Variants in PCDH15 observed in about 807,000 individuals in gnomAD.
The protein encoded by PCDH15 is protocadherin-15.
PCDH15 carries 129 observed loss-of-function variants against 178.5 expected under a neutral mutation model. The observed-to-expected ratio is 0.72, with a 90% CI of 0.63 to 0.84. PCDH15 has a LOEUF of 0.84. Among genes scored for constraint, PCDH15 ranks in the 40% least tolerant of loss-of-function variants. PCDH15 has a pLI of 0.00. For synonymous variants in PCDH15, 800 were observed against 732.0 expected (o/e 1.09, Z -1.50); for missense variants, 2,230 against 2,099.9 (o/e 1.06, Z -1.21).
chr10:53,968,177 T>A (rs1185885207), intron 21 of PCDH15, among the ~76,000 whole-genome samples: 1 of 152,156 alleles, frequency 6.6e-6, no homozygotes, highest in African/African-American at 2.4e-5. Context: ...TCCAACAGTC[T>A]TAGCAAACGG....
intron 2 of PCDH15, among the ~76,000 whole-genome samples, chr10:55,582,628 A>ATTTTTTTTTTTTTT (rs1554800566): frequency 7.2e-5 from 5 of 69,038 alleles, no homozygotes; most frequent in Admixed American, 2.1e-4. Flanking sequence ...ATATATATAT[A>ATTTTTTTTTTTTTT]TTTTTTTTTT....
chr10:54,461,402 G>A (rs374481345), intron 3 of PCDH15, among the ~76,000 whole-genome samples: 1 of 151,906 alleles, frequency 6.6e-6, no homozygotes, highest in Non-Finnish European at 1.5e-5. Context: ...TGTGGTTCTC[G>A]GTTCTTAGCA....
intron 23 of PCDH15, among the ~76,000 whole-genome samples, chr10:53,958,190 C>T (rs1321956452): frequency 6.6e-6 from 1 of 152,158 alleles, no homozygotes; most frequent in Admixed American, 6.5e-5. Context: ...TTCTCCATTA[C>T]CTGAAATATT....
At chr10:54,204,731 A>C (rs1212942383) in intron 10 of PCDH15, among the ~76,000 whole-genome samples, 1 of 152,124 alleles carries the variant, frequency 6.6e-6, no homozygotes, top group Non-Finnish European at 1.5e-5. Flanking sequence ...CTGCCCTAGG[A>C]AGTGACATGG....
chr10:54,871,933 G>A (rs956419429), intron 3 of PCDH15, among the ~76,000 whole-genome samples: 4 of 152,018 alleles, frequency 2.6e-5, no homozygotes, highest in African/African-American at 9.7e-5. Context: ...AAAAGGATGA[G>A]ATGATAATTT....
chr10:53,821,645 T>C (rs2132476348), intron 32 of PCDH15: 3 of 1,330,536 alleles, frequency 2.3e-6, no homozygotes, highest in Non-Finnish European at 2.9e-6. Context: ...ATTATGCTAC[T>C]TTGTAGTTTT....
intron 18 of PCDH15, among the ~76,000 whole-genome samples, chr10:54,023,745 G>A (rs1206983863): frequency 6.6e-6 from 1 of 150,982 alleles, no homozygotes; most frequent in African/African-American, 2.4e-5. Flanking sequence ...ATATTTATAA[G>A]TATAACCTGA....
At chr10:53,964,694 T>C (rs1358776041) in intron 21 of PCDH15, among the ~76,000 whole-genome samples, 1 of 152,102 alleles carries the variant, frequency 6.6e-6, no homozygotes, top group Non-Finnish European at 1.5e-5. Flanking sequence ...TATTTTTATA[T>C]AAACCACTGA....
intron 2 of PCDH15, among the ~76,000 whole-genome samples, chr10:55,102,788 T>C (rs938007327): frequency 6.6e-6 from 1 of 152,120 alleles, no homozygotes; most frequent in South Asian, 2.1e-4. Flanking sequence ...ATGTGTAACA[T>C]AAACATTTGA....
At position 54,214,040 on chromosome 10, in the gene PCDH15, C is replaced by T; in HGVS notation, c.994G>A (p.Glu332Lys). ...ATATGGAAAAATCGTGGGTAATCCT[C>T]AGGAGTCCCTGGAAGACATTGAGAT... Reference protein sequence around the residue: ...ILYSILVGTPEDYPRFFHMHP... With the variant: ...ILYSILVGTPKDYPRFFHMHP... Residue 332 changes from glutamate to lysine, a missense_variant, in exon 10 of 38, where the codon GAG becomes AAG. Transcript: ENST00000644397. 6.3e-7 allele frequency: 1 copy of T among 1,576,178 alleles called. No homozygotes were observed. The highest frequency in any genetic ancestry group is 1.7e-5 in the Admixed American group (1 of 59,936).
At chr10:54,948,264 G>A (rs983634911) in intron 2 of PCDH15, among the ~76,000 whole-genome samples, 3 of 151,932 alleles carry the variant, frequency 2.0e-5, no homozygotes, top group African/African-American at 7.2e-5. Context: ...CATTATTTCT[G>A]TTTGAGTGCA....
chr10:54,816,133 C>T (rs1336735418), intron 3 of PCDH15, among the ~76,000 whole-genome samples: 1 of 152,008 alleles, frequency 6.6e-6, no homozygotes, highest in Non-Finnish European at 1.5e-5. Context: ...AAATTATAAG[C>T]TCCTAGAGAT....
At chr10:54,337,960 A>G (rs1272876802) in intron 6 of PCDH15, among the ~76,000 whole-genome samples, 1 of 152,228 alleles carries the variant, frequency 6.6e-6, no homozygotes, top group Non-Finnish European at 1.5e-5. Flanking sequence ...TCACTGAAAT[A>G]AAGTCTCTTT....
At chr10:54,751,861 T>C (rs34638574) in intron 1 of PCDH15, among the ~76,000 whole-genome samples, 34,268 of 152,074 alleles carry the variant, frequency 0.23, 4,199 homozygotes, top group East Asian at 0.34. Flanking sequence ...TAAAACTTTT[T>C]GACTAAAAGG....
chr10:54,245,761 A>G (rs2055858423), intron 8 of PCDH15, among the ~76,000 whole-genome samples: 1 of 152,046 alleles, frequency 6.6e-6, no homozygotes, highest in Admixed American at 6.6e-5. Flanking sequence ...AATGAAATCT[A>G]TCACTAGGTT....
In PCDH15 at chr10:53,809,318, C is replaced by A. The variant is rs751434127; in HGVS notation, c.4671+1238G>T. On this transcript the variant is annotated intron_variant, in intron 37 of 37. Coordinates refer to ENST00000644397, the MANE Select transcript of PCDH15 (RefSeq NM_001384140.1). ...AGAGTGAGTTTCAAATAATCTTTAT[C>A]TTCTTCCTCAAGGCGTCTCTGCCAC... 24 of 1,613,932 alleles carry A rather than the reference C, an allele frequency of 1.5e-5. No homozygotes were observed. The South Asian group carries it at 2.3e-4, about 16-fold the overall frequency.
At chr10:54,529,288 C>T (rs552506936) in intron 2 of PCDH15, among the ~76,000 whole-genome samples, 22 of 152,022 alleles carry the variant, frequency 1.4e-4, no homozygotes, top group African/African-American at 2.4e-4. Context: ...ACACTCATTA[C>T]GCCTCTTCCT....
At chr10:54,762,647 A>G (rs536873963) in intron 1 of PCDH15, among the ~76,000 whole-genome samples, 1 of 152,254 alleles carries the variant, frequency 6.6e-6, no homozygotes, top group South Asian at 2.1e-4. Context: ...TGGTTAAAAC[A>G]TTCCTTTTAG....
At chr10:54,971,861 G>T (rs1387758040) in intron 2 of PCDH15, among the ~76,000 whole-genome samples, 1 of 152,222 alleles carries the variant, frequency 6.6e-6, no homozygotes, top group East Asian at 1.9e-4. Flanking sequence ...AATATAATTT[G>T]TCATTAAGTT....
Sources: allele counts gnomAD v4.1 joint callset (sites outside exome capture counted in the v4.1 genomes callset), GRCh38; gene constraint gnomAD v4.1.1; transcripts MANE v1.5; gene names NCBI Gene and HGNC (gene_info 2026-07-23, HGNC 2026-07-21).